The following DLG2 variants were observed in gnomAD, a reference collection of about 807,000 sequenced individuals.
The protein encoded by DLG2 is discs large MAGUK scaffold protein 2.
Under a neutral mutation model 132.5 loss-of-function variants are expected in DLG2, and 45 were observed. The ratio of observed to expected loss-of-function variants is 0.34; its 90% CI spans 0.27 to 0.44. DLG2 has a LOEUF of 0.44. Among genes scored for constraint, DLG2 ranks in the 20% least tolerant of loss-of-function variants. DLG2 has a pLI of 1.00. For missense variants in DLG2, 1,045 were observed against 1,196.9 expected, an observed-to-expected ratio of 0.87 and a Z score of 1.87; for synonymous variants, 424 against 419.6, an observed-to-expected ratio of 1.01 and a Z score of -0.13.
intron 6 of DLG2, among the ~76,000 whole-genome samples, chr11:84,945,250 C>T (rs950079816): frequency 6.6e-5 from 10 of 152,132 alleles, no homozygotes; most frequent in African/African-American, 1.4e-4. Context: ...TCACTATAGC[C>T]GTATCTGCAC....
rs1347562684 is a variant in DLG2, at chr11:83,455,335, G to C, written c.*4483C>G. 2 of 152,620 alleles carry C rather than the reference G, an allele frequency of 1.3e-5. No individual in the cohort carries two copies. The highest frequency in any genetic ancestry group is 2.9e-5 in the Non-Finnish European group (2 of 68,072). 9.5% of individuals were successfully genotyped at this position (152,620 alleles called of 1,614,324 possible). ...CCATCCTGTGCTACAGCTCGGTGGA[G>C]AAACATCCTGTCAGAGAGAAGCACA... On this transcript the variant is annotated 3_prime_UTR_variant, in exon 28 of 28. Coordinates refer to ENST00000376104, the MANE Select transcript of DLG2 (RefSeq NM_001142699.3).
chr11:85,072,765 T>C (rs1410544685), intron 6 of DLG2, among the ~76,000 whole-genome samples: 3 of 152,000 alleles, frequency 2.0e-5, no homozygotes, highest in Admixed American at 6.6e-5. Flanking sequence ...AAGAGTAGGC[T>C]GCATGGGCTG....
At chr11:84,557,175 T>C (rs2099413616) in intron 6 of DLG2, among the ~76,000 whole-genome samples, 1 of 152,202 alleles carries the variant, frequency 6.6e-6, no homozygotes, top group Admixed American at 6.5e-5. Flanking sequence ...TTTGTAGTTG[T>C]GGTTAACATC....
chr11:84,679,688 T>C (rs1000634722), intron 6 of DLG2, among the ~76,000 whole-genome samples: 1 of 152,098 alleles, frequency 6.6e-6, no homozygotes, highest in African/African-American at 2.4e-5. Context: ...GCTTCGTATA[T>C]ATTAAAGTCA....
intron 6 of DLG2, among the ~76,000 whole-genome samples, chr11:85,009,337 T>C (rs1203159811): frequency 6.6e-6 from 1 of 152,068 alleles, no homozygotes; most frequent in African/African-American, 2.4e-5. Flanking sequence ...TCAAGAGCTA[T>C]AAGAAATAAA....
chr11:83,973,992 G>A (rs2091806105), intron 12 of DLG2, among the ~76,000 whole-genome samples: 2 of 152,012 alleles, frequency 1.3e-5, no homozygotes, highest in Non-Finnish European at 2.9e-5. Flanking sequence ...TGAAAAATAA[G>A]AATAACAGTA....
At chr11:83,976,744 T>TAA (rs934531788) in intron 12 of DLG2, among the ~76,000 whole-genome samples, 4 of 151,740 alleles carry the variant, frequency 2.6e-5, no homozygotes, top group Non-Finnish European at 5.9e-5. Flanking sequence ...GAAGTTTCTT[T>TAA]AAAAAAAACT....
At chr11:85,129,778 T>G (rs1294957378) in intron 5 of DLG2, among the ~76,000 whole-genome samples, 1 of 152,102 alleles carries the variant, frequency 6.6e-6, no homozygotes, top group Admixed American at 6.5e-5. Flanking sequence ...GCAGCACTAT[T>G]CACAATCGCA....
At chr11:84,642,114 T>TAG (rs1565535828) in intron 6 of DLG2, among the ~76,000 whole-genome samples, 1 of 121,238 alleles carries the variant, frequency 8.2e-6, no homozygotes. Flanking sequence ...TGTGTATATG[T>TAG]AGAGTGTGTG....
At position 85,361,679 on chromosome 11, in the gene DLG2, G is replaced by C. The variant is rs979651627; in HGVS notation, c.41-76314C>G. ...GCTGAGTAGTATCCACAGCATGTGCGTATATACGCTGTTTTGGTCACTATA... is the reference window on the plus strand; with the variant it reads ...GCTGAGTAGTATCCACAGCATGTGCCTATATACGCTGTTTTGGTCACTATA... On this transcript the variant is annotated intron_variant, in intron 3 of 27. Transcript: ENST00000376104. Among the ~76,000 whole-genome samples the C allele has an allele frequency of 2.6e-5, 4 of 152,154 alleles. No homozygotes were observed. In the South Asian group the frequency reaches 8.3e-4, roughly 32 times the overall value.
intron 3 of DLG2, among the ~76,000 whole-genome samples, chr11:85,500,315 C>A (rs1247823098): frequency 1.5e-5 from 2 of 137,926 alleles, no homozygotes; most frequent in African/African-American, 3.2e-5. Flanking sequence ...ACCGCATATT[C>A]TCACTCATAG....
At chr11:84,268,554 C>A (rs1015456178) in intron 7 of DLG2, among the ~76,000 whole-genome samples, 2 of 151,394 alleles carry the variant, frequency 1.3e-5, no homozygotes, top group African/African-American at 4.9e-5. Flanking sequence ...CTCCACCTCC[C>A]AGGTTCACGC....
intron 18 of DLG2, among the ~76,000 whole-genome samples, chr11:83,738,000 C>G (rs565677602): frequency 4.5e-4 from 69 of 152,240 alleles, no homozygotes; most frequent in Middle Eastern, 3.4e-3. Context: ...GATCCATATT[C>G]AGAGAGGAAC....
chr11:85,014,675 T>C (rs932606546), intron 6 of DLG2, among the ~76,000 whole-genome samples: 3 of 152,164 alleles, frequency 2.0e-5, no homozygotes, highest in Non-Finnish European at 2.9e-5. Context: ...AACTGGTAAG[T>C]AAAATGATTC....
At chr11:84,432,236 G>A (rs1457686423) in intron 7 of DLG2, among the ~76,000 whole-genome samples, 3 of 152,204 alleles carry the variant, frequency 2.0e-5, no homozygotes, top group Non-Finnish European at 4.4e-5. Context: ...TAGCCAAACA[G>A]ATTAAGCAAA....
intron 15 of DLG2, among the ~76,000 whole-genome samples, chr11:83,880,473 G>A (rs2154073983): frequency 6.6e-6 from 1 of 152,306 alleles, no homozygotes; most frequent in Non-Finnish European, 1.5e-5. Flanking sequence ...TGATCTGGCT[G>A]GGTAGGCATT....
chr11:84,899,143 T>C (rs1393812364), intron 6 of DLG2, among the ~76,000 whole-genome samples: 1 of 151,996 alleles, frequency 6.6e-6, no homozygotes, highest in African/African-American at 2.4e-5. Context: ...AACTGATATT[T>C]CACTGAACAG....
At chr11:84,994,905 T>G (rs1027813602) in intron 6 of DLG2, among the ~76,000 whole-genome samples, 3 of 152,184 alleles carry the variant, frequency 2.0e-5, no homozygotes, top group Non-Finnish European at 4.4e-5. Flanking sequence ...ATGAAAAAAT[T>G]CTTAAGGAAC....
At chr11:85,496,373 T>A (rs1490680590) in intron 3 of DLG2, among the ~76,000 whole-genome samples, 1 of 152,140 alleles carries the variant, frequency 6.6e-6, no homozygotes, top group Non-Finnish European at 1.5e-5. Context: ...TGCTGAGGCT[T>A]GAGTAGGCAG....
Sources: gnomAD v4.1 joint callset for allele counts (sites outside exome capture counted in the v4.1 genomes callset) on GRCh38, gnomAD v4.1.1 for gene constraint, MANE v1.5 for transcripts, NCBI Gene and HGNC (gene_info 2026-07-23, HGNC 2026-07-21) for gene names.